The following LRP1B variants were observed in gnomAD, a reference collection of about 807,000 sequenced individuals.
LRP1B encodes the protein low-density lipoprotein receptor-related protein 1B.
LRP1B carries 217 observed loss-of-function variants against 556.6 expected under a neutral mutation model. The ratio of observed to expected loss-of-function variants is 0.39; its 90% CI spans 0.35 to 0.44. LRP1B has a LOEUF of 0.44. Ranked by LOEUF, LRP1B falls within the 20% of genes least tolerant of loss-of-function variation. The pLI is 1.00. For synonymous variants in LRP1B, 2,047 were observed against 1,865.8 expected, an observed-to-expected ratio of 1.10 and a Z score of -2.50; for missense variants, 5,053 against 5,620.8, an observed-to-expected ratio of 0.90 and a Z score of 3.23.
intron 7 of LRP1B, among the ~76,000 whole-genome samples, chr2:141,076,945 G>T (rs890518520): frequency 3.3e-5 from 5 of 152,148 alleles, no homozygotes; most frequent in African/African-American, 1.2e-4. Flanking sequence ...CATAATCAAA[G>T]AATTTAAAAT....
intron 3 of LRP1B, among the ~76,000 whole-genome samples, chr2:141,274,994 G>T (rs1685229882): frequency 6.6e-6 from 1 of 152,002 alleles, no homozygotes; most frequent in Non-Finnish European, 1.5e-5. Context: ...AAACATTTTT[G>T]TCCTCCACCA....
At chr2:140,276,343 C>A (rs10188789) in intron 84 of LRP1B, among the ~76,000 whole-genome samples, 3,722 of 151,958 alleles carry the variant, frequency 0.024, 158 homozygotes, top group African/African-American at 0.084. Context: ...CAGGTACCTT[C>A]ATTGAGATTT....
In LRP1B at chr2:140,325,780, A is replaced by G. The variant is rs2105063968; in HGVS notation, c.12322T>C (p.Ser4108Pro). 6.2e-7 allele frequency: 1 copy of G among 1,611,488 alleles called. No homozygotes were observed. ...VLYDGSNSVV[S>P]VSSKQGLLHP... is the part of the protein sequence containing the mutation. The stretch of plus-strand genomic sequence containing the variant: ...CACAAACCTTGTTTGCTGCTGACAG[A>G]GACTACTGAATTAGAGCCATCATAC... Residue 4108 changes from serine (S) to proline (P), a missense_variant, in exon 80 of 91, where the codon TCT (serine) becomes CCT (proline). Coordinates refer to ENST00000389484, the MANE Select transcript of LRP1B (RefSeq NM_018557.3).
chr2:141,675,670 A>C (rs1358266646), intron 2 of LRP1B, among the ~76,000 whole-genome samples: 1 of 81,602 alleles, frequency 1.2e-5, no homozygotes, highest in Admixed American at 1.8e-4. Flanking sequence ...ATTATTTTAA[A>C]TTTATTTGGT....
At chr2:141,809,441 A>C (rs974974) in intron 2 of LRP1B, among the ~76,000 whole-genome samples, 68,118 of 151,806 alleles carry the variant, frequency 0.45, 16,262 homozygotes, top group African/African-American at 0.61. Context: ...ACATGTCAGC[A>C]TACCTGGTTG....
At chr2:141,527,602 C>A (rs1240189681) in intron 2 of LRP1B, among the ~76,000 whole-genome samples, 4 of 152,034 alleles carry the variant, frequency 2.6e-5, no homozygotes, top group Non-Finnish European at 5.9e-5. Flanking sequence ...TTATTGAAGA[C>A]CTACATTCTA....
At chr2:141,401,273 A>G (rs1049961706) in intron 3 of LRP1B, among the ~76,000 whole-genome samples, 6 of 152,208 alleles carry the variant, frequency 3.9e-5, no homozygotes, top group Admixed American at 1.3e-4. Context: ...TAACACACAC[A>G]AAAGAAAAAC....
At chr2:140,505,426 C>G (rs1448070172) in intron 53 of LRP1B, among the ~76,000 whole-genome samples, 1 of 152,156 alleles carries the variant, frequency 6.6e-6, no homozygotes, top group African/African-American at 2.4e-5. Flanking sequence ...TTCTTCAGTG[C>G]CTACCTCAAG....
At chr2:142,130,561 A>G in intron 1 of LRP1B, 87 bp downstream of exon 1, 1 of 1,152,976 alleles carries the variant, frequency 8.7e-7, no homozygotes, top group Non-Finnish European at 1.2e-6. Context: ...GCAAGGACTT[A>G]AGTTTCACAC....
intron 3 of LRP1B, among the ~76,000 whole-genome samples, chr2:141,458,748 G>A (rs1000585622): frequency 1.3e-5 from 2 of 151,876 alleles, no homozygotes; most frequent in African/African-American, 2.4e-5. Context: ...GACACACTAA[G>A]CTAATTATTT....
chr2:140,730,481 A>T (rs1687740675), intron 35 of LRP1B, among the ~76,000 whole-genome samples: 2 of 152,182 alleles, frequency 1.3e-5, no homozygotes, highest in Non-Finnish European at 2.9e-5. Context: ...CAAAAATATA[A>T]TTTTTAAAAC....
At chr2:141,409,489 C>T (rs1422529881) in intron 3 of LRP1B, among the ~76,000 whole-genome samples, 3 of 152,062 alleles carry the variant, frequency 2.0e-5, no homozygotes, top group African/African-American at 4.8e-5. Flanking sequence ...GAATCAGTTC[C>T]CTTCTCCTCT....
intron 31 of LRP1B, among the ~76,000 whole-genome samples, chr2:140,823,241 T>C (rs1479672540): frequency 6.6e-6 from 1 of 152,164 alleles, no homozygotes; most frequent in Non-Finnish European, 1.5e-5. Flanking sequence ...AAATAAAATG[T>C]ATAATCTGAC....
intron 2 of LRP1B, among the ~76,000 whole-genome samples, chr2:141,675,403 A>G (rs1181754915): frequency 2.0e-5 from 3 of 151,842 alleles, no homozygotes; most frequent in Non-Finnish European, 2.9e-5. Context: ...TAAAATTTCA[A>G]TACAATTTTA....
chr2:141,415,160 T>G (rs201580517), intron 3 of LRP1B, among the ~76,000 whole-genome samples: 145 of 152,110 alleles, frequency 9.5e-4, no homozygotes, highest in Middle Eastern at 3.4e-3. Context: ...GACTACAGGC[T>G]CCCGCCACCA....
intron 41 of LRP1B, among the ~76,000 whole-genome samples, chr2:140,650,250 G>T (rs1684628613): frequency 6.6e-6 from 1 of 151,534 alleles, no homozygotes; most frequent in Admixed American, 6.6e-5. Flanking sequence ...AAATTTAAAA[G>T]AGAGGAAGGC....
At chr2:140,391,529 A>C (rs541423304) in intron 66 of LRP1B, among the ~76,000 whole-genome samples, 6 of 152,266 alleles carry the variant, frequency 3.9e-5, no homozygotes, top group Non-Finnish European at 8.8e-5. Context: ...TGTTTTAATT[A>C]AAATTACCTT....
chr2:140,515,249 G>C (rs189904068), intron 50 of LRP1B, among the ~76,000 whole-genome samples: 137 of 152,106 alleles, frequency 9.0e-4, no homozygotes, highest in African/African-American at 3.0e-3. Flanking sequence ...GGAGGTTATA[G>C]CTTGAAGACA....
chr2:141,755,155 G>T (rs568220181), intron 2 of LRP1B, among the ~76,000 whole-genome samples: 1 of 152,148 alleles, frequency 6.6e-6, no homozygotes, highest in South Asian at 2.1e-4. Flanking sequence ...TAGTGAAGAA[G>T]ATTCTGAGAG....
Sources: gnomAD v4.1 joint callset for allele counts (sites outside exome capture counted in the v4.1 genomes callset) on GRCh38, gnomAD v4.1.1 for gene constraint, MANE v1.5 for transcripts, NCBI Gene and HGNC (gene_info 2026-07-23, HGNC 2026-07-21) for gene names.